The following MALRD1 variants were observed in gnomAD, a reference collection of about 807,000 sequenced individuals.
MALRD1 encodes the protein MAM and LDL-receptor class A domain-containing protein 1.
In MALRD1, 247 loss-of-function variants were observed where a neutral mutation model predicts 242.1. The observed-to-expected ratio is 1.02, with a 90% CI of 0.92 to 1.13. The LOEUF (loss-of-function observed/expected upper bound fraction) is 1.13. Among genes scored for constraint, MALRD1 ranks in the 50% most tolerant of loss-of-function variants. The pLI, the probability that MALRD1 is intolerant of heterozygous loss-of-function variation, is 0.00. For missense variants in MALRD1, 2,989 were observed against 2,533.1 expected (o/e 1.18, Z -3.86); for synonymous variants, 995 against 866.6 (o/e 1.15, Z -2.60).
At chr10:19,213,069 C>A (rs1230012385) in intron 18 of MALRD1, among the ~76,000 whole-genome samples, 1 of 152,014 alleles carries the variant, frequency 6.6e-6, no homozygotes, top group Non-Finnish European at 1.5e-5. Flanking sequence ...TTTTGAAGAG[C>A]AGATTCTTTT....
intron 36 of MALRD1, among the ~76,000 whole-genome samples, chr10:19,661,905 G>A (rs1335251262): frequency 1.3e-5 from 2 of 152,042 alleles, no homozygotes; most frequent in Non-Finnish European, 2.9e-5. Context: ...TGTCAGAAAC[G>A]ATACATCTAT....
intron 36 of MALRD1, among the ~76,000 whole-genome samples, chr10:19,616,133 A>G (rs557811086): frequency 6.6e-6 from 1 of 152,076 alleles, no homozygotes; most frequent in Admixed American, 6.6e-5. Context: ...ATGATTGTGC[A>G]TGTTTTTCAA....
At chr10:19,424,992 G>A (rs1833853709) in intron 28 of MALRD1, among the ~76,000 whole-genome samples, 1 of 152,050 alleles carries the variant, frequency 6.6e-6, no homozygotes, top group Admixed American at 6.5e-5. Flanking sequence ...TTACAACAGG[G>A]AGAACACTTT....
chr10:19,588,151 T>C (rs558396239), intron 33 of MALRD1, among the ~76,000 whole-genome samples: 1 of 150,584 alleles, frequency 6.6e-6, no homozygotes, highest in African/African-American at 2.4e-5. Flanking sequence ...TATTCGAAAA[T>C]TTTTTTTTAA....
chr10:19,687,505 C>G (rs1482249082), intron 36 of MALRD1, among the ~76,000 whole-genome samples: 1 of 152,158 alleles, frequency 6.6e-6, no homozygotes, highest in East Asian at 1.9e-4. Flanking sequence ...TTGGTGTCAG[C>G]CTAGCCTAAA....
intron 27 of MALRD1, 50 bp from the exon 28 acceptor site, chr10:19,389,402 A>G (rs1458856698): frequency 2.2e-5 from 33 of 1,519,474 alleles, no homozygotes; most frequent in African/African-American, 4.1e-5. Context: ...TGCAAAAATA[A>G]TCCCATCATT....
intron 26 of MALRD1, among the ~76,000 whole-genome samples, chr10:19,362,291 A>C (rs1174673233): frequency 6.6e-6 from 1 of 152,100 alleles, no homozygotes; most frequent in African/African-American, 2.4e-5. Flanking sequence ...CTTTGCCTTT[A>C]ATGGATACTT....
intron 38 of MALRD1, among the ~76,000 whole-genome samples, chr10:19,694,325 C>T (rs1833261164): frequency 6.6e-6 from 1 of 152,146 alleles, no homozygotes; most frequent in African/African-American, 2.4e-5. Context: ...GCAATCTACT[C>T]ATCTGACAAA....
chr10:19,551,062 T>A (rs1835448299), intron 32 of MALRD1, among the ~76,000 whole-genome samples: 1 of 152,174 alleles, frequency 6.6e-6, no homozygotes, highest in Admixed American at 6.6e-5. Flanking sequence ...TCTGTAAAGA[T>A]CACTGATTGA....
At chr10:19,266,512 A>G (rs1327264902) in intron 19 of MALRD1, among the ~76,000 whole-genome samples, 4 of 151,830 alleles carry the variant, frequency 2.6e-5, no homozygotes, top group Non-Finnish European at 5.9e-5. Flanking sequence ...CCACCCCAAC[A>G]TTTATGTTTT....
intron 18 of MALRD1, among the ~76,000 whole-genome samples, chr10:19,224,482 A>C (rs533259030): frequency 6.6e-6 from 1 of 152,108 alleles, no homozygotes; most frequent in Admixed American, 6.6e-5. Flanking sequence ...TGGTAGAGAC[A>C]GAGTTTCACC....
intron 19 of MALRD1, among the ~76,000 whole-genome samples, chr10:19,268,395 A>G (rs1283189640): frequency 2.6e-5 from 4 of 152,152 alleles, no homozygotes; most frequent in Non-Finnish European, 4.4e-5. Context: ...CATACTAAAC[A>G]TAGTTCTTTC....
rs547073462 is a variant in MALRD1 at position 19,496,136 on chromosome 10, C to G, written c.5159-2349C>G. Among the ~76,000 whole-genome samples, 9 of 152,114 alleles carry G rather than the reference C, an allele frequency of 5.9e-5. No individual in the cohort carries two copies. In the East Asian group the frequency reaches 1.5e-3, roughly 26 times the overall value. Reference sequence around the variant, plus strand: ...CAATAATAGTGGAAGACTTCAACACCCCACTGACAGTATTAGACAGATAAT... The same window carrying G: ...CAATAATAGTGGAAGACTTCAACACGCCACTGACAGTATTAGACAGATAAT... On this transcript the variant is annotated intron_variant, in intron 30 of 39. Transcript: ENST00000454679.
chr10:19,687,441 T>C (rs960965283), intron 36 of MALRD1, among the ~76,000 whole-genome samples: 21 of 152,136 alleles, frequency 1.4e-4, no homozygotes, highest in African/African-American at 5.1e-4. Flanking sequence ...ACTTAGCCAC[T>C]CAGCTTCCCA....
intron 5 of MALRD1, among the ~76,000 whole-genome samples, chr10:19,112,453 T>G (rs1403395995): frequency 6.6e-6 from 1 of 152,142 alleles, no homozygotes; most frequent in Non-Finnish European, 1.5e-5. Context: ...CAAGTTTGCT[T>G]AAATCACTTA....
At chr10:19,391,500 C>T (rs1469550653) in intron 28 of MALRD1, among the ~76,000 whole-genome samples, 1 of 152,192 alleles carries the variant, frequency 6.6e-6, no homozygotes, top group African/African-American at 2.4e-5. Context: ...GGCAAGGATT[C>T]TGCCTCCAAA....
chr10:19,694,200 G>A (rs1447884713), intron 38 of MALRD1, among the ~76,000 whole-genome samples: 2 of 152,076 alleles, frequency 1.3e-5, no homozygotes, highest in Non-Finnish European at 2.9e-5. Flanking sequence ...CAAAAGCAAT[G>A]GCAACAAAAG....
chr10:19,121,197 T>C (rs1837051370), intron 5 of MALRD1, among the ~76,000 whole-genome samples: 1 of 151,706 alleles, frequency 6.6e-6, no homozygotes, highest in South Asian at 2.1e-4. Flanking sequence ...TGTGCCACCA[T>C]GCCTTGCTAA....
At chr10:19,527,380 G>C (rs1376854241) in intron 31 of MALRD1, among the ~76,000 whole-genome samples, 1 of 152,134 alleles carries the variant, frequency 6.6e-6, no homozygotes, top group Non-Finnish European at 1.5e-5. Flanking sequence ...TTCAATGTAT[G>C]TATGCAATTG....
Sources: gnomAD v4.1 joint callset for allele counts (sites outside exome capture counted in the v4.1 genomes callset) on GRCh38, gnomAD v4.1.1 for gene constraint, MANE v1.5 for transcripts, NCBI Gene and HGNC (gene_info 2026-07-23, HGNC 2026-07-21) for gene names.